Variants in LYST observed in about 807,000 individuals in gnomAD.
The protein encoded by LYST is lysosomal trafficking regulator, also known as lysosomal-trafficking regulator.
Under a neutral mutation model 413.6 loss-of-function variants are expected in LYST, and 192 were observed. That is an observed-to-expected ratio of 0.46 (90% CI 0.41 to 0.52). LYST has a LOEUF of 0.52. LYST is among the 20% of genes least tolerant of loss of function. The probability of loss-of-function intolerance (pLI) is 0.00; values close to 1 mark genes in which losing one functional copy is unlikely to be tolerated. For synonymous variants in LYST, 1,525 were observed against 1,567.3 expected (o/e 0.97, Z 0.64); for missense variants, 3,815 against 4,499.9 (o/e 0.85, Z 4.35).
rs139987004 is a variant in LYST, at chr1:235,668,881, T to G, written c.11039-4260A>C. ...ACTCTTTAAGATCTTTTCCCTTTGT[T>G]ATAATCATTAGGAAATAAAAATGTT... On this transcript the variant is annotated intron_variant, in intron 50 of 52. Coordinates refer to ENST00000389793, the MANE Select transcript of LYST (RefSeq NM_000081.4). 5.3e-4 allele frequency among the ~76,000 whole-genome samples: 81 copies of G among 152,348 alleles called. No individual in the cohort carries two copies. The East Asian group carries it at 0.015, about 29-fold the overall frequency.
chr1:235,838,122 AT>A lies in LYST; in HGVS notation c.-97-4456del, dbSNP rs1163574262. Reference sequence around the variant, plus strand: ...ATATTTGGCAATAGGAGGACCAAGAATTTTTTTCAGGTGCTTCTATTTTCTT... The same window carrying A: ...ATATTTGGCAATAGGAGGACCAAGAATTTTTTCAGGTGCTTCTATTTTCTT... On this transcript the variant is annotated intron_variant, in intron 1 of 52. Coordinates refer to ENST00000389793, the MANE Select transcript of LYST (RefSeq NM_000081.4). Among the ~76,000 whole-genome samples the A allele has an allele frequency of 2.6e-5, 4 of 152,222 alleles. No individual in the cohort carries two copies. The East Asian group carries it at 7.7e-4, about 29-fold the overall frequency.
rs57930868 is a variant in LYST, at chr1:235,808,207, T to C, written c.2363+248A>G. On this transcript the variant is annotated intron_variant, in intron 5 of 52. Transcript: ENST00000389793. ...TATAAACAGCTCAGTAAAAAATGCA[T>C]ACATACATAAACAAATGGTTAAAAC... is the stretch of plus-strand genomic sequence containing the variant. Among the ~76,000 whole-genome samples the C allele has an allele frequency of 0.04, 6,094 of 152,240 alleles. 415 individuals are homozygous for C. Among genetic ancestry groups the C allele is most frequent in the African/African-American group, 0.14 (5,772 of 41,526 alleles).
chr1:235,744,892 C>CA (rs11354334), intron 29 of LYST, among the ~76,000 whole-genome samples: 157 of 115,060 alleles, frequency 1.4e-3, no homozygotes, highest in African/African-American at 3.1e-3. Context: ...GAACCCATCT[C>CA]AAAAAAAAAA....
At position 235,715,301 on chromosome 1, in the gene LYST, C is replaced by T. The variant is rs1233014408; in HGVS notation, c.9684G>A (p.Val3228=). ...GAREDDPMPP[V]QPYHYGSHYS... Reference sequence around the variant, plus strand: ...AGTGGGAGCCATAGTGATAGGGCTGCACGGGAGGCATGGGGTCATCTTCTC... The same window carrying T: ...AGTGGGAGCCATAGTGATAGGGCTGTACGGGAGGCATGGGGTCATCTTCTC... The change falls in exon 42 of 53, where the codon GTG becomes GTA. Residue 3228 remains valine, a synonymous_variant. Coordinates refer to ENST00000389793, the MANE Select transcript of LYST (RefSeq NM_000081.4). 6.2e-7 allele frequency: 1 copy of T among 1,613,912 alleles called. No individual in the cohort carries two copies. The highest frequency in any genetic ancestry group is 1.1e-5 in the South Asian group (1 of 91,080).
In LYST at chr1:235,793,624, A is replaced by G. The variant is rs1374294101; in HGVS notation, c.4007-12T>C. The G allele has an allele frequency of 2.1e-6, 3 of 1,418,524 alleles. No homozygotes were observed. The highest frequency in any genetic ancestry group is 3.0e-6 in the Non-Finnish European group (3 of 1,003,648). The allele number at this position is 1,418,524 out of a possible 1,614,324, so 87.9% of individuals were successfully genotyped here. A position where few individuals can be genotyped will look rare whatever the true frequency, so the allele number is the denominator to read the frequency against. Reference sequence around the variant, plus strand: ...TACTCTCTGGCATGCTAAATTAAAGAAAGAGGGAAAAAATTAAAGCTAGTA... The same window carrying G: ...TACTCTCTGGCATGCTAAATTAAAGGAAGAGGGAAAAAATTAAAGCTAGTA... On this transcript the variant is annotated splice_polypyrimidine_tract_variant and intron_variant, in intron 10 of 52. Transcript: ENST00000389793.
chr1:235,766,534 T>C (rs1217993430), intron 20 of LYST, among the ~76,000 whole-genome samples: 1 of 152,160 alleles, frequency 6.6e-6, no homozygotes, highest in Admixed American at 6.5e-5. Context: ...GGCAAACTTA[T>C]ATAACTCTCA....
intron 16 of LYST, among the ~76,000 whole-genome samples, chr1:235,779,550 G>A (rs1317597413): frequency 6.6e-6 from 1 of 152,156 alleles, no homozygotes; most frequent in Non-Finnish European, 1.5e-5. Context: ...CAGACCTACT[G>A]AATCAGAAGC....
chr1:235,861,707 C>T (rs901388933), intron 1 of LYST, among the ~76,000 whole-genome samples: 3 of 152,116 alleles, frequency 2.0e-5, no homozygotes, highest in Admixed American at 2.0e-4. Flanking sequence ...GTTGCCCAGG[C>T]TGGACTCGAA....
rs750618554 is a variant in LYST, at chr1:235,770,282, T to C, written c.5800A>G (p.Thr1934Ala). ...AGGACTTCTAGAGCTGCTAGCAAAGTTTCCCAAACACCTTGCTGAAGAGAT... is the reference window on the plus strand; with the variant it reads ...AGGACTTCTAGAGCTGCTAGCAAAGCTTCCCAAACACCTTGCTGAAGAGAT... ...WSKAEQGVWE[T>A]LLAALEVLIR... The change falls in exon 20 of 53, where the codon ACT becomes GCT. Residue 1934 changes from threonine to alanine, a missense_variant. Coordinates refer to ENST00000389793, the MANE Select transcript of LYST (RefSeq NM_000081.4). The C allele has an allele frequency of 8.1e-6, 13 of 1,613,826 alleles. No individual in the cohort carries two copies. In the South Asian group the frequency reaches 1.3e-4, roughly 16 times the overall value.
At chr1:235,709,416 CAA>C in intron 43 of LYST, 108 bp from the exon 44 acceptor site, 1 of 833,232 alleles carries the variant, frequency 1.2e-6, no homozygotes, top group Non-Finnish European at 2.0e-6. Context: ...GTGCTACAAC[CAA>C]AAAAGGGAAT....
At chr1:235,707,720 A>G (rs2103114505) in intron 44 of LYST, among the ~76,000 whole-genome samples, 1 of 152,340 alleles carries the variant, frequency 6.6e-6, no homozygotes, top group African/African-American at 2.4e-5. Flanking sequence ...AACCATAGAA[A>G]TATTAATTTT....
At chr1:235,731,310 T>C in intron 34 of LYST, 133 bp from the exon 35 acceptor site, 3 of 797,438 alleles carry the variant, frequency 3.8e-6, no homozygotes, top group Non-Finnish European at 6.5e-6. Flanking sequence ...TGTTTATATA[T>C]TTGATCAGGG....
intron 50 of LYST, among the ~76,000 whole-genome samples, chr1:235,669,976 G>A (rs1467103003): frequency 6.6e-6 from 1 of 152,156 alleles, no homozygotes; most frequent in Admixed American, 6.5e-5. Flanking sequence ...AAGGGTAGGA[G>A]CACTTCTGGG....
rs779486333 is a variant in LYST, at chr1:235,745,483, A to C, written c.7972+853T>G. Among the ~76,000 whole-genome samples, 39 of 152,226 alleles carry C rather than the reference A, an allele frequency of 2.6e-4. 1 individual carries two copies. The highest frequency in any genetic ancestry group is 1.5e-4 in the Non-Finnish European group (10 of 68,034). On this transcript the variant is annotated intron_variant, in intron 29 of 52. Coordinates refer to ENST00000389793, the MANE Select transcript of LYST (RefSeq NM_000081.4). The stretch of plus-strand genomic sequence containing the variant: ...CTCATACACTGTTGATGGAAATGTA[A>C]AACTACAGCCACTCTGGAAAAGTTT...
At chr1:235,790,435 TACAC>T (rs1238647498) in intron 12 of LYST, among the ~76,000 whole-genome samples, 1 of 152,146 alleles carries the variant, frequency 6.6e-6, no homozygotes, top group Non-Finnish European at 1.5e-5. Context: ...AAGTGACACA[TACAC>T]AGAAAGCACT....
chr1:235,710,864 G>A (rs77821973), intron 43 of LYST, among the ~76,000 whole-genome samples: 11,630 of 152,204 alleles, frequency 0.076, 495 homozygotes, highest in Middle Eastern at 0.14. Flanking sequence ...CAGGGCTGCC[G>A]TGCTGTGGGG....
In LYST at chr1:235,666,730, A is replaced by G. The variant is rs573243405; in HGVS notation, c.11039-2109T>C. 2.3e-4 allele frequency among the ~76,000 whole-genome samples: 35 copies of G among 152,316 alleles called. No homozygotes were observed. The South Asian group carries it at 7.2e-3, about 32-fold the overall frequency. ...AGGAGACTCAGTATGCTAAAGAAAT[A>G]GAATTATAGACAATATTTTCCATGA... On this transcript the variant is annotated intron_variant, in intron 50 of 52. Coordinates refer to ENST00000389793, the MANE Select transcript of LYST (RefSeq NM_000081.4).
chr1:235,666,945 C>A (rs759147683), intron 50 of LYST, among the ~76,000 whole-genome samples: 4 of 152,106 alleles, frequency 2.6e-5, no homozygotes, highest in Admixed American at 6.5e-5. Flanking sequence ...ATGGCTTAAT[C>A]CTTCAAAATA....
At chr1:235,827,680 T>C in intron 3 of LYST, 1 of 984,238 alleles carries the variant, frequency 1.0e-6, no homozygotes. Flanking sequence ...ACATCTACTG[T>C]TCCTACTATT....
Sources: gnomAD v4.1 joint callset for allele counts (sites outside exome capture counted in the v4.1 genomes callset) on GRCh38, gnomAD v4.1.1 for gene constraint, MANE v1.5 for transcripts, NCBI Gene and HGNC (gene_info 2026-07-23, HGNC 2026-07-21) for gene names.